SYT1: variants seen among roughly 807,000 people sequenced by gnomAD.
SYT1 encodes the protein synaptotagmin 1.
A neutral mutation model predicts 44.8 loss-of-function variants in SYT1; 8 were observed. The observed-to-expected ratio is 0.18, with a 90% confidence interval of 0.10 to 0.32. The LOEUF (loss-of-function observed/expected upper bound fraction) is 0.32, where lower values mean the gene tolerates loss of function less well. SYT1 is among the 10% of genes least tolerant of loss of function. SYT1 has a pLI of 1.00. For missense variants in SYT1, 286 were observed against 509.3 expected (o/e 0.56, Z 4.22); for synonymous variants, 154 against 188.8 (o/e 0.82, Z 1.51).
At chr12:79,151,009 A>C (rs916448033) in intron 3 of SYT1, among the ~76,000 whole-genome samples, 1 of 152,184 alleles carries the variant, frequency 6.6e-6, no homozygotes, top group Non-Finnish European at 1.5e-5. Context: ...CCTCGAGATA[A>C]GAAAGGGGAG....
intron 3 of SYT1, among the ~76,000 whole-genome samples, chr12:79,141,636 G>T (rs1869562344): frequency 6.6e-6 from 1 of 152,040 alleles, no homozygotes; most frequent in African/African-American, 2.4e-5. Flanking sequence ...TTAGGAAAAA[G>T]ATAAAAAATA....
At chr12:78,986,044 C>T (rs1470977107) in intron 2 of SYT1, among the ~76,000 whole-genome samples, 1 of 151,968 alleles carries the variant, frequency 6.6e-6, no homozygotes, top group Non-Finnish European at 1.5e-5. Context: ...CAAAACTTAA[C>T]TGGTTTTATC....
intron 9 of SYT1, among the ~76,000 whole-genome samples, chr12:79,423,839 A>C (rs1050158935): frequency 6.6e-6 from 1 of 151,944 alleles, no homozygotes; most frequent in African/African-American, 2.4e-5. Context: ...GGAAGGTGAG[A>C]GTGAACACTT....
At chr12:78,908,724 A>C (rs1277346894) in intron 1 of SYT1, among the ~76,000 whole-genome samples, 1 of 151,962 alleles carries the variant, frequency 6.6e-6, no homozygotes, top group African/African-American at 2.4e-5. Flanking sequence ...AGAATATTGC[A>C]GTGGAAATGA....
intron 4 of SYT1, among the ~76,000 whole-genome samples, chr12:79,259,861 C>T (rs1339704302): frequency 2.0e-5 from 3 of 152,232 alleles, no homozygotes; most frequent in Non-Finnish European, 4.4e-5. Flanking sequence ...TAAGTATCCA[C>T]AGCCAGAAAG....
chr12:79,276,278 A>G (rs10861762), intron 4 of SYT1, among the ~76,000 whole-genome samples: 52,184 of 151,952 alleles, frequency 0.34, 9,344 homozygotes, highest in East Asian at 0.58. Context: ...TTCTCAGTGC[A>G]ATCCAAGAGA....
chr12:78,893,771 G>T (rs945805380), intron 1 of SYT1, among the ~76,000 whole-genome samples: 3 of 151,644 alleles, frequency 2.0e-5, no homozygotes, highest in African/African-American at 4.8e-5. Context: ...AAACCATGGT[G>T]CAGTGTTAAT....
At chr12:78,890,679 C>T (rs117370939) in intron 1 of SYT1, among the ~76,000 whole-genome samples, 3,919 of 151,894 alleles carry the variant, frequency 0.026, 72 homozygotes, top group Non-Finnish European at 0.039. Flanking sequence ...GTCTTTCATT[C>T]TCCAACTCCC....
At chr12:79,058,270 A>G (rs1008338150) in intron 3 of SYT1, among the ~76,000 whole-genome samples, 1 of 152,140 alleles carries the variant, frequency 6.6e-6, no homozygotes, top group African/African-American at 2.4e-5. Context: ...GAAAACCCAC[A>G]GCTTATGCTA....
intron 8 of SYT1, among the ~76,000 whole-genome samples, chr12:79,330,734 A>T (rs1592972624): frequency 6.6e-6 from 1 of 152,210 alleles, no homozygotes; most frequent in East Asian, 1.9e-4. Flanking sequence ...CTTCATATGT[A>T]TTAATCCGTT....
At chr12:79,119,029 T>C (rs1163830320) in intron 3 of SYT1, among the ~76,000 whole-genome samples, 1 of 152,156 alleles carries the variant, frequency 6.6e-6, no homozygotes, top group Non-Finnish European at 1.5e-5. Context: ...GCTGGTACCA[T>C]CCAGCCAAAG....
At chr12:79,100,337 TTAACCACCAGGTCA>T (rs1434622108) in intron 3 of SYT1, among the ~76,000 whole-genome samples, 1 of 152,164 alleles carries the variant, frequency 6.6e-6, no homozygotes, top group Non-Finnish European at 1.5e-5. Context: ...AAACCTCGTC[TTAACCACCAGGTCA>T]TACTATATCT....
chr12:78,948,818 G>A (rs1878805453), intron 1 of SYT1, among the ~76,000 whole-genome samples: 1 of 151,662 alleles, frequency 6.6e-6, no homozygotes, highest in South Asian at 2.1e-4. Flanking sequence ...CTTGCATAGT[G>A]TCCATGGAGA....
At position 79,129,395 on chromosome 12, in the gene SYT1, T is replaced by A. The variant is rs1175222766; in HGVS notation, c.-18+82033T>A. ...AGATGCATGCTAAGCCAAAGAAAGA[T>A]CAAATGCTCAATAGACCCATAAAAC... On this transcript the variant is annotated intron_variant, in intron 3 of 10. Coordinates refer to ENST00000261205, the MANE Select transcript of SYT1 (RefSeq NM_005639.3). 2.0e-5 allele frequency among the ~76,000 whole-genome samples: 3 copies of A among 152,036 alleles called. 1 individual carries two copies. Among genetic ancestry groups the A allele is most frequent in the Non-Finnish European group, 4.4e-5 (3 of 67,978 alleles).
intron 8 of SYT1, among the ~76,000 whole-genome samples, chr12:79,320,905 G>A (rs1056328043): frequency 2.6e-5 from 4 of 152,064 alleles, no homozygotes; most frequent in Admixed American, 2.0e-4. Context: ...ACAGGTGTGA[G>A]CCACCACACC....
rs61296536 is a variant in SYT1, at chr12:79,125,451, CA to C, written c.-18+78105del. Reference sequence around the variant, plus strand: ...CATAGTGCGACCCTCACTGTCTCTACAAAAAAAAAAAAAAAATTAGCTGTGT... The same window carrying C: ...CATAGTGCGACCCTCACTGTCTCTACAAAAAAAAAAAAAAATTAGCTGTGT... On this transcript the variant is annotated intron_variant, in intron 3 of 10. Transcript: ENST00000261205. Among the ~76,000 whole-genome samples the C allele has an allele frequency of 3.7e-3, 366 of 98,988 alleles. 2 individuals are homozygous for C. The highest frequency in any genetic ancestry group is 0.021 in the East Asian group (72 of 3,480). 64.9% of individuals were successfully genotyped at this position (98,988 alleles called of 152,430 possible). A position where few individuals can be genotyped will look rare whatever the true frequency, so the allele number is the denominator to read the frequency against.
At chr12:79,197,913 C>A (rs550840945) in intron 3 of SYT1, among the ~76,000 whole-genome samples, 53 of 152,114 alleles carry the variant, frequency 3.5e-4, no homozygotes, top group African/African-American at 1.2e-3. Context: ...ACTCTGGATA[C>A]AACTAAGACA....
At chr12:79,413,439 T>A (rs1192082435) in intron 9 of SYT1, among the ~76,000 whole-genome samples, 1 of 152,182 alleles carries the variant, frequency 6.6e-6, no homozygotes, top group East Asian at 1.9e-4. Context: ...ATACTCCCCA[T>A]CTAAATGTGT....
chr12:79,339,978 T>C (rs557933928), intron 8 of SYT1, among the ~76,000 whole-genome samples: 2 of 152,288 alleles, frequency 1.3e-5, no homozygotes, highest in African/African-American at 4.8e-5. Context: ...ATCAGATGGT[T>C]GTAGATGTGT....
Sources: allele counts gnomAD v4.1 joint callset (sites outside exome capture counted in the v4.1 genomes callset), GRCh38; gene constraint gnomAD v4.1.1; transcripts MANE v1.5; gene names NCBI Gene and HGNC (gene_info 2026-07-23, HGNC 2026-07-21).